Variants in FAM3D observed in about 807,000 individuals in gnomAD.
FAM3D encodes FAM3 metabolism regulating signaling molecule D.
In FAM3D, 26 loss-of-function variants were observed where a neutral mutation model predicts 29.8. That is an observed-to-expected ratio of 0.87 (90% CI 0.64 to 1.21). The LOEUF (loss-of-function observed/expected upper bound fraction) is 1.21, where lower values mean the gene tolerates loss of function less well. FAM3D is among the 50% of genes most tolerant of loss of function. FAM3D has a pLI of 0.00. For synonymous variants in FAM3D, 115 were observed against 102.3 expected, an observed-to-expected ratio of 1.12 and a Z score of -0.75; for missense variants, 253 against 290.9, an observed-to-expected ratio of 0.87 and a Z score of 0.95.
intron 3 of FAM3D, 33 bp from the exon 4 acceptor site, chr3:58,649,371 AG>A: frequency 1.2e-6 from 2 of 1,612,580 alleles, no homozygotes; most frequent in Non-Finnish European, 1.7e-6. Context: ...TTAGAGGAAA[AG>A]CACTTCGGAC....
intron 9 of FAM3D, 129 bp downstream of exon 9, chr3:58,636,165 G>A: frequency 7.0e-7 from 1 of 1,419,274 alleles, no homozygotes; most frequent in Non-Finnish European, 9.4e-7. Context: ...GTGAATGACA[G>A]CCAGGGGCCT....
At chr3:58,639,202 C>T (rs1298025486) in intron 7 of FAM3D, among the ~76,000 whole-genome samples, 1 of 152,004 alleles carries the variant, frequency 6.6e-6, no homozygotes, top group Non-Finnish European at 1.5e-5. Context: ...AAGAGGGGAG[C>T]GAAGGGGAAG....
In FAM3D at chr3:58,643,857, C is replaced by T. The variant is rs765111731; in HGVS notation, c.264-137G>A. 8.7e-5 allele frequency: 67 copies of T among 773,154 alleles called. No homozygotes were observed. The African/African-American group carries it at 1.0e-3, about 12-fold the overall frequency. The allele number at this position is 773,154 out of a possible 1,614,324, so 47.9% of individuals were successfully genotyped here. A position where few individuals can be genotyped will look rare whatever the true frequency, so the allele number is the denominator to read the frequency against. ...GGGAAACACATGCAATAACTGGGGCCATCTGTTTTCTCCTGAAAACTAGTG... is the reference window on the plus strand; with the variant it reads ...GGGAAACACATGCAATAACTGGGGCTATCTGTTTTCTCCTGAAAACTAGTG... On this transcript the variant is annotated intron_variant, in intron 5 of 9. Coordinates refer to ENST00000358781, the MANE Select transcript of FAM3D (RefSeq NM_138805.3).
intron 6 of FAM3D, among the ~76,000 whole-genome samples, chr3:58,643,142 C>T (rs1369651657): frequency 6.6e-6 from 1 of 152,236 alleles, no homozygotes; most frequent in Non-Finnish European, 1.5e-5. Flanking sequence ...TCCTGCCCCT[C>T]CAGAGAGGCT....
chr3:58,654,935 G>A (rs1348259785), intron 2 of FAM3D, among the ~76,000 whole-genome samples: 1 of 152,158 alleles, frequency 6.6e-6, no homozygotes, highest in Non-Finnish European at 1.5e-5. Flanking sequence ...CATTATCTCA[G>A]TTCATTCTCT....
At position 58,634,403 on chromosome 3, in the gene FAM3D, G is replaced by A. The variant is rs1460642798; in HGVS notation, c.586-35C>T. ...GAGAAGACAGAGAAATATAGGCAGT[G>A]AGTGAGGCTGTTCAGAACTCATGCC... On this transcript the variant is annotated intron_variant, in intron 9 of 9. Transcript: ENST00000358781. The surrounding 1 kb of genome is among the most constrained non-coding windows in gnomAD (Gnocchi z 4.6). The A allele has an allele frequency of 6.3e-7, 1 of 1,589,390 alleles. No homozygotes were observed. The highest frequency in any genetic ancestry group is 1.7e-5 in the Admixed American group (1 of 59,842).
intron 4 of FAM3D, among the ~76,000 whole-genome samples, chr3:58,647,244 C>T (rs79906466): frequency 0.014 from 2,087 of 152,316 alleles, 52 homozygotes; most frequent in South Asian, 0.066. Context: ...CAGAGGCATC[C>T]GTGAAGGGCT....
chr3:58,650,817 AC>A (rs751104592), intron 3 of FAM3D, among the ~76,000 whole-genome samples: 101 of 152,262 alleles, frequency 6.6e-4, no homozygotes, highest in Admixed American at 2.0e-3. Flanking sequence ...TCCCGGGTTC[AC>A]GCCATTCTCC....
At chr3:58,651,743 T>A (rs2066643115) in intron 3 of FAM3D, among the ~76,000 whole-genome samples, 1 of 142,254 alleles carries the variant, frequency 7.0e-6, no homozygotes. Context: ...CCCCTGAGCC[T>A]CCTACACTGA....
intron 7 of FAM3D, 94 bp downstream of exon 7, chr3:58,640,033 T>C: frequency 7.4e-7 from 1 of 1,357,558 alleles, no homozygotes; most frequent in South Asian, 1.2e-5. Context: ...AAGCACCAGG[T>C]ACCTCGAGCC....
chr3:58,666,267 T>C (rs985573337), intron 1 of FAM3D, among the ~76,000 whole-genome samples: 2 of 152,194 alleles, frequency 1.3e-5, no homozygotes, highest in African/African-American at 4.8e-5. Flanking sequence ...CAGCTCCTTC[T>C]TGTGCCCATG....
chr3:58,644,164 G>T (rs1458785896), intron 5 of FAM3D, among the ~76,000 whole-genome samples: 1 of 152,202 alleles, frequency 6.6e-6, no homozygotes, highest in African/African-American at 2.4e-5. Flanking sequence ...TCCACGAACA[G>T]GCCAGGTGGT....
At position 58,655,601 on chromosome 3, in the gene FAM3D, C is replaced by T. The variant is rs1397634171; in HGVS notation, c.-38G>A. The T allele has an allele frequency of 3.1e-6, 5 of 1,609,136 alleles. No homozygotes were observed. The highest frequency in any genetic ancestry group is 3.3e-5 in the Admixed American group (2 of 59,718). ...AAGGGTGGCTTGGGGTCAGCTTCCA[C>T]CTATGGAGAGAAGAAAATCCAGTCG... On this transcript the variant is annotated splice_region_variant and 5_prime_UTR_variant, in exon 2 of 10. In the 5' UTR this introduces an upstream ATG that the reference lacks. Coordinates refer to ENST00000358781, the MANE Select transcript of FAM3D (RefSeq NM_138805.3).
At chr3:58,663,899 G>T (rs1490493281) in intron 1 of FAM3D, among the ~76,000 whole-genome samples, 1 of 152,190 alleles carries the variant, frequency 6.6e-6, no homozygotes, top group Non-Finnish European at 1.5e-5. Context: ...CTCCACCAGG[G>T]CTGCCCTCAC....
At position 58,651,436 on chromosome 3, in the gene FAM3D, T is replaced by A. The variant is rs553274542; in HGVS notation, c.122-2098A>T. On this transcript the variant is annotated intron_variant, in intron 3 of 9. Coordinates refer to ENST00000358781, the MANE Select transcript of FAM3D (RefSeq NM_138805.3). ...CCACTGGTTACATTTCCTGCCATTG[T>A]AAACATTTCCTGAGACTCTGCATCA... 4.6e-5 allele frequency among the ~76,000 whole-genome samples: 7 copies of A among 152,312 alleles called. No homozygotes were observed. The East Asian group carries it at 1.3e-3, about 29-fold the overall frequency.
chr3:58,655,464 G>T, intron 2 of FAM3D, 87 bp downstream of exon 2: 1 of 1,565,352 alleles, frequency 6.4e-7, no homozygotes, highest in Non-Finnish European at 8.7e-7. Flanking sequence ...GACCATTTGA[G>T]AACAGATACA....
chr3:58,637,000 CTTT>C lies in FAM3D; in HGVS notation c.458+138_458+140del. 3 of 711,124 alleles carry C rather than the reference CTTT, an allele frequency of 4.2e-6. No individual in the cohort carries two copies. The Middle Eastern group carries it at 7.8e-4, about 185-fold the overall frequency. The allele number at this position is 711,124 out of a possible 1,614,324, so 44.1% of individuals were successfully genotyped here. A position where few individuals can be genotyped will look rare whatever the true frequency, so the allele number is the denominator to read the frequency against. On this transcript the variant is annotated intron_variant, in intron 8 of 9. Coordinates refer to ENST00000358781, the MANE Select transcript of FAM3D (RefSeq NM_138805.3). ...CTGTGATGAACCTCCTAGAACATTT[CTTT>C]GCATACTTGTCTGATAATTTCCTCG...
rs1041162892 is a variant in FAM3D at position 58,634,335 on chromosome 3, C to T, written c.619G>A (p.Glu207Lys). The T allele has an allele frequency of 5.6e-6, 9 of 1,613,924 alleles. No homozygotes were observed. The highest frequency in any genetic ancestry group is 1.6e-4 in the Middle Eastern group (1 of 6,082). ...LKNSPDTNKY[E>K]GWPELLEMEG... ...ATCTCCAGCAGCTCTGGCCATCCCT[C>T]GTATTTGTTTGTGTCTGGGCTGTTC... Residue 207 changes from glutamate to lysine, a missense_variant, in exon 10 of 10, where the codon GAG (glutamate) becomes AAG (lysine). By Grantham distance (56) the Glu-to-Lys change is moderately conservative. Transcript: ENST00000358781. This position sits in a 1 kb window ranked among gnomAD's most constrained non-coding sequence, Gnocchi z 4.6.
intron 5 of FAM3D, among the ~76,000 whole-genome samples, chr3:58,644,641 A>C (rs184069929): frequency 6.6e-6 from 1 of 152,210 alleles, no homozygotes; most frequent in Non-Finnish European, 1.5e-5. Context: ...AATGAAATAC[A>C]GGCTTGGGAC....
Sources: gnomAD v4.1 joint callset for allele counts (sites outside exome capture counted in the v4.1 genomes callset) on GRCh38, gnomAD v4.1.1 for gene constraint, Gnocchi (gnomAD v3.1) non-coding constraint, MANE v1.5 for transcripts, NCBI Gene and HGNC (gene_info 2026-07-23, HGNC 2026-07-21) for gene names.